Variants in NCAM1 observed in about 807,000 individuals in gnomAD.
NCAM1 encodes antigen recognized by monoclonal antibody 5.1H11.
In NCAM1, 14 loss-of-function variants were observed where a neutral mutation model predicts 109.8. The ratio of observed to expected loss-of-function variants is 0.13; its 90% CI spans 0.08 to 0.20. NCAM1 has a LOEUF of 0.20. Among genes scored for constraint, NCAM1 ranks in the 10% least tolerant of loss-of-function variants. The pLI is 1.00. For missense variants in NCAM1, 774 were observed against 1,109.9 expected, an observed-to-expected ratio of 0.70 and a Z score of 4.30; for synonymous variants, 418 against 442.9, an observed-to-expected ratio of 0.94 and a Z score of 0.70.
intron 1 of NCAM1, among the ~76,000 whole-genome samples, chr11:113,104,020 G>A (rs186350889): frequency 1.3e-3 from 192 of 152,004 alleles, no homozygotes; most frequent in African/African-American, 4.4e-3. Flanking sequence ...GGAAACCCTG[G>A]GTTGGATGCG....
intron 15 of NCAM1, among the ~76,000 whole-genome samples, chr11:113,254,837 G>A (rs1187625330): frequency 6.6e-6 from 1 of 152,178 alleles, no homozygotes; most frequent in African/African-American, 2.4e-5. Context: ...GCTCCTCACA[G>A]AAGTGCAGGA....
intron 1 of NCAM1, among the ~76,000 whole-genome samples, chr11:112,969,891 T>G (rs1226141659): frequency 6.6e-6 from 1 of 152,090 alleles, no homozygotes; most frequent in Non-Finnish European, 1.5e-5. Context: ...AGATATTATA[T>G]CAGTAAGTGC....
Position 113,166,470 on chromosome 11 carries a change from T to G in NCAM1, c.53-35909T>G, listed in dbSNP as rs562885955. 3.0e-4 allele frequency among the ~76,000 whole-genome samples: 46 copies of G among 152,358 alleles called. No homozygotes were observed. In the South Asian group the frequency reaches 5.4e-3, roughly 18 times the overall value. On this transcript the variant is annotated intron_variant, in intron 1 of 19. Transcript: ENST00000316851. ...CTGTTTGACCTTGGGCAAGTCATTT[T>G]AACCTTTCTCAGCCTCAACTTCCTC...
chr11:113,208,078 C>T, intron 7 of NCAM1, 76 bp downstream of exon 7: 2 of 1,470,362 alleles, frequency 1.4e-6, no homozygotes, highest in Non-Finnish European at 1.8e-6. Flanking sequence ...ATCAGTAAGA[C>T]CCTGGCCACT....
chr11:113,054,172 G>A (rs782274129), intron 1 of NCAM1, among the ~76,000 whole-genome samples: 7 of 152,206 alleles, frequency 4.6e-5, no homozygotes, highest in East Asian at 1.9e-4. Flanking sequence ...GCTACCAGCC[G>A]AGTGAGTTAA....
intron 1 of NCAM1, among the ~76,000 whole-genome samples, chr11:113,152,060 G>A (rs782525662): frequency 2.0e-5 from 3 of 152,146 alleles, no homozygotes; most frequent in Non-Finnish European, 4.4e-5. Context: ...TTTGCAGTGG[G>A]TTCCAGAAAA....
chr11:113,001,320 G>A (rs1333467177), intron 1 of NCAM1, among the ~76,000 whole-genome samples: 1 of 152,162 alleles, frequency 6.6e-6, no homozygotes, highest in Admixed American at 6.5e-5. Context: ...CCTAGTTCAA[G>A]GAATTACTGG....
intron 1 of NCAM1, among the ~76,000 whole-genome samples, chr11:112,965,547 G>T (rs1268979405): frequency 6.6e-6 from 1 of 152,136 alleles, no homozygotes; most frequent in African/African-American, 2.4e-5. Flanking sequence ...CTAATCTTTA[G>T]ACATGTTTTT....
chr11:113,030,465 G>A (rs75726298), intron 1 of NCAM1, among the ~76,000 whole-genome samples: 1 of 152,112 alleles, frequency 6.6e-6, no homozygotes, highest in Non-Finnish European at 1.5e-5. Context: ...CTCAAACATG[G>A]TTTCTTCCAG....
chr11:112,999,646 G>A (rs1018978963), intron 1 of NCAM1, among the ~76,000 whole-genome samples: 2 of 151,934 alleles, frequency 1.3e-5, no homozygotes. Flanking sequence ...CATGGATATT[G>A]TCTGATTCAT....
chr11:113,272,475 G>C (rs1255158270), intron 19 of NCAM1, among the ~76,000 whole-genome samples: 3 of 152,134 alleles, frequency 2.0e-5, no homozygotes, highest in African/African-American at 7.2e-5. Flanking sequence ...TGCCTTATTC[G>C]TGACTTTTCC....
chr11:113,090,328 A>G (rs1939284214), intron 1 of NCAM1, among the ~76,000 whole-genome samples: 1 of 152,226 alleles, frequency 6.6e-6, no homozygotes, highest in Non-Finnish European at 1.5e-5. Context: ...CAAGACAAAT[A>G]CATCTTCTGT....
chr11:113,212,622 G>A (rs567740186), intron 7 of NCAM1, among the ~76,000 whole-genome samples: 3 of 152,276 alleles, frequency 2.0e-5, no homozygotes, highest in African/African-American at 4.8e-5. Context: ...TGAGTTTAGC[G>A]AATTCAGTTG....
intron 1 of NCAM1, among the ~76,000 whole-genome samples, chr11:112,982,302 T>C (rs1251638725): frequency 2.0e-5 from 3 of 151,926 alleles, no homozygotes; most frequent in African/African-American, 7.2e-5. Flanking sequence ...GGAATAGATA[T>C]ATCTGAATTC....
At chr11:113,160,286 C>A (rs1274422400) in intron 1 of NCAM1, among the ~76,000 whole-genome samples, 1 of 152,166 alleles carries the variant, frequency 6.6e-6, no homozygotes, top group East Asian at 1.9e-4. Context: ...AATCATGGAG[C>A]TAAATGGTGT....
intron 1 of NCAM1, among the ~76,000 whole-genome samples, chr11:112,970,648 A>C (rs1950854201): frequency 6.6e-6 from 1 of 152,194 alleles, no homozygotes; most frequent in African/African-American, 2.4e-5. Flanking sequence ...AAATAAGATA[A>C]TATATGGGAA....
intron 1 of NCAM1, among the ~76,000 whole-genome samples, chr11:113,048,184 T>C (rs782045834): frequency 6.6e-6 from 1 of 152,180 alleles, no homozygotes; most frequent in Non-Finnish European, 1.5e-5. Flanking sequence ...AACTTAGAGC[T>C]TTAAAATATT....
chr11:113,203,459 G>A (rs1555112278), intron 2 of NCAM1, among the ~76,000 whole-genome samples: 3 of 152,212 alleles, frequency 2.0e-5, no homozygotes, highest in African/African-American at 7.2e-5. Context: ...AGGCTGAGAA[G>A]GGCGCCACGC....
At chr11:113,174,821 T>G (rs868956340) in intron 1 of NCAM1, among the ~76,000 whole-genome samples, 14 of 152,194 alleles carry the variant, frequency 9.2e-5, no homozygotes, top group Non-Finnish European at 1.8e-4. Context: ...GAGGGACTCC[T>G]GCCAAAACCC....
Sources: allele counts gnomAD v4.1 joint callset (sites outside exome capture counted in the v4.1 genomes callset), GRCh38; gene constraint gnomAD v4.1.1; transcripts MANE v1.5; gene names NCBI Gene and HGNC (gene_info 2026-07-23, HGNC 2026-07-21).